The following ARHGAP10 variants were observed in gnomAD, a reference collection of about 807,000 sequenced individuals.
ARHGAP10 encodes the protein Rho GTPase activating protein 10, also known as rho GTPase-activating protein 10.
A neutral mutation model predicts 108.6 loss-of-function variants in ARHGAP10; 87 were observed. The observed-to-expected ratio is 0.80, with a 90% CI of 0.67 to 0.96. The LOEUF (loss-of-function observed/expected upper bound fraction) is 0.96. ARHGAP10 is among the 40% of genes least tolerant of loss of function. The pLI, the probability that ARHGAP10 is intolerant of heterozygous loss-of-function variation, is 0.00. For synonymous variants in ARHGAP10, 347 were observed against 341.1 expected (o/e 1.02, Z -0.19); for missense variants, 939 against 954.5 (o/e 0.98, Z 0.21).
intron 18 of ARHGAP10, among the ~76,000 whole-genome samples, chr4:147,990,219 C>T (rs1740216182): frequency 6.6e-6 from 1 of 152,200 alleles, no homozygotes; most frequent in Non-Finnish European, 1.5e-5. Context: ...CATTCAGAAG[C>T]ACAAATGCTG....
intron 3 of ARHGAP10, among the ~76,000 whole-genome samples, chr4:147,829,712 G>T (rs1732870820): frequency 6.6e-6 from 1 of 152,174 alleles, no homozygotes; most frequent in South Asian, 2.1e-4. Flanking sequence ...ACTTATCTGA[G>T]GTGGGCAGCT....
intron 3 of ARHGAP10, among the ~76,000 whole-genome samples, chr4:147,831,072 C>G (rs1732938257): frequency 6.6e-6 from 1 of 152,254 alleles, no homozygotes; most frequent in South Asian, 2.1e-4. Context: ...GTCAGAAACT[C>G]TGTCAGCTGG....
At chr4:147,851,862 C>T (rs1483336682) in intron 4 of ARHGAP10, among the ~76,000 whole-genome samples, 1 of 152,176 alleles carries the variant, frequency 6.6e-6, no homozygotes, top group Non-Finnish European at 1.5e-5. Flanking sequence ...ACTCTACCAT[C>T]TCATCTTTGG....
intron 10 of ARHGAP10, among the ~76,000 whole-genome samples, chr4:147,888,820 G>A (rs1735676859): frequency 6.6e-6 from 1 of 152,212 alleles, no homozygotes; most frequent in African/African-American, 2.4e-5. Flanking sequence ...CTGGCAGAAG[G>A]TGAATGTACT....
chr4:147,958,655 T>C (rs1738878042), intron 16 of ARHGAP10, among the ~76,000 whole-genome samples: 1 of 152,224 alleles, frequency 6.6e-6, no homozygotes, highest in Admixed American at 6.5e-5. Flanking sequence ...TAGATACGAA[T>C]GCCACAGGAG....
chr4:147,963,496 C>T (rs952340512), intron 16 of ARHGAP10, among the ~76,000 whole-genome samples: 1 of 152,200 alleles, frequency 6.6e-6, no homozygotes, highest in Non-Finnish European at 1.5e-5. Context: ...TCTTCAACAA[C>T]AAACATTTTA....
chr4:147,922,051 T>G (rs1254305499), intron 13 of ARHGAP10, among the ~76,000 whole-genome samples: 1 of 152,066 alleles, frequency 6.6e-6, no homozygotes, highest in African/African-American at 2.4e-5. Context: ...CCGACATCTC[T>G]CACTCTTGAG....
At chr4:147,922,687 CAAAA>C (rs34169210) in intron 13 of ARHGAP10, among the ~76,000 whole-genome samples, 7 of 99,238 alleles carry the variant, frequency 7.1e-5, no homozygotes, top group Admixed American at 3.0e-4. Context: ...GACTCCGTCT[CAAAA>C]AAAAAAAAAA....
At chr4:147,988,738 G>A (rs1740139756) in intron 18 of ARHGAP10, among the ~76,000 whole-genome samples, 1 of 152,170 alleles carries the variant, frequency 6.6e-6, no homozygotes, top group African/African-American at 2.4e-5. Flanking sequence ...GCCTTTTAGT[G>A]TTGACTTTTC....
At chr4:147,959,738 G>A (rs1738924958) in intron 16 of ARHGAP10, among the ~76,000 whole-genome samples, 1 of 152,138 alleles carries the variant, frequency 6.6e-6, no homozygotes, top group African/African-American at 2.4e-5. Flanking sequence ...TGGTGTGTAT[G>A]TGCCACATAT....
chr4:147,763,301 A>C (rs185771451), intron 1 of ARHGAP10, among the ~76,000 whole-genome samples: 275 of 151,300 alleles, frequency 1.8e-3, no homozygotes, highest in African/African-American at 6.0e-3. Flanking sequence ...TGTTTGTAGT[A>C]GGAGTAGATA....
At chr4:147,853,061 T>G (rs1235551644) in intron 4 of ARHGAP10, among the ~76,000 whole-genome samples, 1 of 152,234 alleles carries the variant, frequency 6.6e-6, no homozygotes, top group Non-Finnish European at 1.5e-5. Context: ...GATAATCATT[T>G]ACTCACTCCT....
chr4:147,770,346 G>A (rs1730026022), intron 1 of ARHGAP10, among the ~76,000 whole-genome samples: 1 of 152,144 alleles, frequency 6.6e-6, no homozygotes, highest in Non-Finnish European at 1.5e-5. Context: ...CCAACATGGT[G>A]AAACCCTGTC....
chr4:147,865,542 A>G (rs935409348), intron 6 of ARHGAP10: 1 of 152,212 alleles, frequency 6.6e-6, no homozygotes, highest in Non-Finnish European at 1.5e-5. Flanking sequence ...ATGAATGTAT[A>G]TATCATAATG....
At chr4:147,887,384 T>C (rs1735614849) in intron 10 of ARHGAP10, among the ~76,000 whole-genome samples, 1 of 152,086 alleles carries the variant, frequency 6.6e-6, no homozygotes, top group Non-Finnish European at 1.5e-5. Flanking sequence ...TTTTTCTTTC[T>C]TGTTAACATT....
chr4:147,800,359 A>C (rs1460549413), intron 1 of ARHGAP10, among the ~76,000 whole-genome samples: 1 of 152,200 alleles, frequency 6.6e-6, no homozygotes, highest in Non-Finnish European at 1.5e-5. Flanking sequence ...TCTTAGGCCC[A>C]TGTGACCAGA....
chr4:147,846,392 C>T (rs940153591), intron 3 of ARHGAP10, among the ~76,000 whole-genome samples: 3 of 152,162 alleles, frequency 2.0e-5, no homozygotes, highest in Non-Finnish European at 4.4e-5. Flanking sequence ...TTTCTGGTCT[C>T]CTGGAAGCAG....
At chr4:147,903,145 C>A (rs1473691087) in intron 10 of ARHGAP10, among the ~76,000 whole-genome samples, 1 of 152,174 alleles carries the variant, frequency 6.6e-6, no homozygotes, top group African/African-American at 2.4e-5. Context: ...TGGCTGGACC[C>A]CAGTCTGCCT....
intron 1 of ARHGAP10, among the ~76,000 whole-genome samples, chr4:147,811,067 C>A (rs1371864621): frequency 6.6e-6 from 1 of 152,190 alleles, no homozygotes; most frequent in Non-Finnish European, 1.5e-5. Context: ...CCTCTTTTTC[C>A]TGTGGCCCTT....
Sources: gnomAD v4.1 joint callset for allele counts (sites outside exome capture counted in the v4.1 genomes callset) on GRCh38, gnomAD v4.1.1 for gene constraint, MANE v1.5 for transcripts, NCBI Gene and HGNC (gene_info 2026-07-23, HGNC 2026-07-21) for gene names.